The following RAB3B variants were observed in gnomAD, a reference collection of about 807,000 sequenced individuals.
RAB3B encodes ras-related protein Rab-3B.
Under a neutral mutation model 20.5 loss-of-function variants are expected in RAB3B, and 11 were observed. The ratio of observed to expected loss-of-function variants is 0.54; its 90% confidence interval spans 0.34 to 0.89. The LOEUF (loss-of-function observed/expected upper bound fraction) is 0.89. RAB3B is among the 40% of genes least tolerant of loss of function. RAB3B has a pLI of 0.02. For missense variants in RAB3B, 225 were observed against 280.9 expected (o/e 0.80, Z 1.42); for synonymous variants, 99 against 106.3 (o/e 0.93, Z 0.42).
intron 2 of RAB3B, among the ~76,000 whole-genome samples, chr1:51,944,284 T>C (rs1304274918): frequency 2.0e-5 from 3 of 152,180 alleles, no homozygotes; most frequent in African/African-American, 7.2e-5. Flanking sequence ...TGAAACCCAC[T>C]CTCAGGAAAA....
At chr1:51,989,101 G>GTGCACACACA (rs749312487) in intron 1 of RAB3B, among the ~76,000 whole-genome samples, 461 of 24,046 alleles carry the variant, frequency 0.019, 3 homozygotes, top group Non-Finnish European at 0.041. Flanking sequence ...ACCTGTGCGC[G>GTGCACACACA]CGCACACACA....
At chr1:51,933,256 A>G in intron 4 of RAB3B, 62 bp downstream of exon 4, 1 of 1,564,990 alleles carries the variant, frequency 6.4e-7, no homozygotes, top group Non-Finnish European at 8.7e-7. Flanking sequence ...TACCCTGTTT[A>G]CCCCACTCTC....
chr1:51,988,534 A>G (rs1191875205), intron 1 of RAB3B, among the ~76,000 whole-genome samples: 1 of 152,244 alleles, frequency 6.6e-6, no homozygotes, highest in Non-Finnish European at 1.5e-5. Flanking sequence ...CACCTGCAGA[A>G]TAACATCAGT....
At position 51,920,096 on chromosome 1, in the gene RAB3B, G is replaced by C; in HGVS notation, c.491C>G (p.Ala164Gly). The part of the protein sequence containing the change: ...AEQLGFDFFE[A>G]SAKENISVRQ... ...TACACTGATGTTCTCCTTTGCACTGGCTTCAAAGAAATCAAACCCTGGAAA... is the reference window on the plus strand; with the variant it reads ...TACACTGATGTTCTCCTTTGCACTGCCTTCAAAGAAATCAAACCCTGGAAA... Residue 164 changes from alanine (A) to glycine (G), a missense_variant, in exon 5 of 5, where the codon GCC becomes GGC. Physicochemically the swap from Ala to Gly is moderately conservative, Grantham distance 60. Coordinates refer to ENST00000371655, the MANE Select transcript of RAB3B (RefSeq NM_002867.4). The C allele has an allele frequency of 6.2e-7, 1 of 1,609,858 alleles. No homozygotes were observed. Among genetic ancestry groups the C allele is most frequent in the Non-Finnish European group, 8.5e-7 (1 of 1,177,104 alleles).
intron 3 of RAB3B, among the ~76,000 whole-genome samples, chr1:51,935,483 G>A (rs1304299458): frequency 1.3e-5 from 2 of 152,142 alleles, no homozygotes; most frequent in Non-Finnish European, 2.9e-5. Context: ...CAGGTAACTG[G>A]GGCCAGCTCT....
intron 1 of RAB3B, among the ~76,000 whole-genome samples, chr1:51,986,393 G>A (rs896487141): frequency 6.6e-6 from 1 of 151,896 alleles, no homozygotes; most frequent in Non-Finnish European, 1.5e-5. Flanking sequence ...CTTGTGATCC[G>A]CCTGCCTCGG....
At chr1:51,946,539 C>G (rs138011221) in intron 2 of RAB3B, among the ~76,000 whole-genome samples, 5 of 152,280 alleles carry the variant, frequency 3.3e-5, no homozygotes, top group African/African-American at 1.2e-4. Context: ...TCATTGAGCT[C>G]TTCATATGGG....
chr1:51,938,155 T>G (rs1684437825), intron 2 of RAB3B, among the ~76,000 whole-genome samples: 1 of 151,962 alleles, frequency 6.6e-6, no homozygotes, highest in African/African-American at 2.4e-5. Flanking sequence ...TTTGTGCCAC[T>G]GTGCCCAGCC....
At position 51,917,372 on chromosome 1, in the gene RAB3B, A is replaced by C. The variant is rs1219930192; in HGVS notation, c.*2555T>G. The stretch of plus-strand genomic sequence containing the variant: ...AGAGACCTTAAAGATCATCCAAATA[A>C]GCTCCCTCATTTTATAAGTAGGAAA... On this transcript the variant is annotated 3_prime_UTR_variant, in exon 5 of 5. Transcript: ENST00000371655. The C allele has an allele frequency of 6.6e-6, 1 of 152,150 alleles. No individual in the cohort carries two copies. Among genetic ancestry groups the C allele is most frequent in the Non-Finnish European group, 1.5e-5 (1 of 68,030 alleles). 9.4% of individuals were successfully genotyped at this position (152,150 alleles called of 1,614,324 possible). A position where few individuals can be genotyped will look rare whatever the true frequency, so the allele number is the denominator to read the frequency against.
At chr1:51,962,035 G>A (rs1039367572) in intron 2 of RAB3B, among the ~76,000 whole-genome samples, 3 of 152,166 alleles carry the variant, frequency 2.0e-5, no homozygotes, top group African/African-American at 7.2e-5. Flanking sequence ...GCCTCCCAAA[G>A]TGCTGGGATT....
chr1:51,937,155 T>C lies in RAB3B; in HGVS notation c.347+139A>G, dbSNP rs1049892389. The C allele has an allele frequency of 6.6e-6, 4 of 604,688 alleles. No homozygotes were observed. In the African/African-American group the frequency reaches 7.7e-5, roughly 12 times the overall value. The allele number at this position is 604,688 out of a possible 1,614,324, so 37.5% of individuals were successfully genotyped here. On this transcript the variant is annotated intron_variant, in intron 3 of 4. Coordinates refer to ENST00000371655, the MANE Select transcript of RAB3B (RefSeq NM_002867.4). ...CATTCCTGCTTATGGATCTGTCTTCTGCTCTCGTCTGTAAACTCCTGAGGC... is the reference window on the plus strand; with the variant it reads ...CATTCCTGCTTATGGATCTGTCTTCCGCTCTCGTCTGTAAACTCCTGAGGC...
chr1:51,983,661 A>T, intron 1 of RAB3B, among the ~76,000 whole-genome samples: 1 of 152,172 alleles, frequency 6.6e-6, no homozygotes, highest in Non-Finnish European at 1.5e-5. Flanking sequence ...AAGTACTACA[A>T]AAATATGAGA....
intron 2 of RAB3B, among the ~76,000 whole-genome samples, chr1:51,952,185 T>A (rs1684649893): frequency 6.6e-6 from 1 of 152,192 alleles, no homozygotes; most frequent in Admixed American, 6.5e-5. Flanking sequence ...CTCAGAACAC[T>A]CACAGTCTAG....
intron 2 of RAB3B, among the ~76,000 whole-genome samples, chr1:51,965,289 G>A (rs1684834927): frequency 6.6e-6 from 1 of 152,016 alleles, no homozygotes; most frequent in Non-Finnish European, 1.5e-5. Context: ...AAAATGTTCT[G>A]GAATTAGTGA....
rs753412938 is a variant in RAB3B at position 51,977,114 on chromosome 1, C to T, written c.4G>A (p.Ala2Thr). M[A>T]SVTDGKTGVK... ...CCAGTTTTACCATCTGTCACTGAAG[C>T]CATCTGCAAGAGAGACCTAGAGTCA... Residue 2 changes from alanine (A) to threonine (T), a missense_variant, in exon 2 of 5, where the codon GCT becomes ACT. By Grantham distance (58) the Ala-to-Thr change is moderately conservative (BLOSUM62 0). Coordinates refer to ENST00000371655, the MANE Select transcript of RAB3B (RefSeq NM_002867.4). 2.5e-6 allele frequency: 4 copies of T among 1,613,768 alleles called. No individual in the cohort carries two copies. In the South Asian group the frequency reaches 4.4e-5, roughly 18 times the overall value.
intron 3 of RAB3B, among the ~76,000 whole-genome samples, chr1:51,934,775 C>CAAAAAAA (rs34750673): frequency 7.2e-5 from 5 of 69,906 alleles, no homozygotes; most frequent in South Asian, 6.8e-4. Flanking sequence ...GACTCCATCT[C>CAAAAAAA]AAAAAAAAAA....
intron 2 of RAB3B, among the ~76,000 whole-genome samples, chr1:51,947,692 C>A (rs2124271387): frequency 6.6e-6 from 1 of 152,302 alleles, no homozygotes; most frequent in East Asian, 1.9e-4. Flanking sequence ...ATGCCACATT[C>A]ATTTCTGCTC....
intron 2 of RAB3B, among the ~76,000 whole-genome samples, chr1:51,951,252 C>T (rs756774247): frequency 6.6e-6 from 1 of 151,888 alleles, no homozygotes; most frequent in Non-Finnish European, 1.5e-5. Flanking sequence ...TCCCATTACC[C>T]AGGTAATGAG....
chr1:51,960,648 A>G (rs1324107117), intron 2 of RAB3B, among the ~76,000 whole-genome samples: 1 of 152,128 alleles, frequency 6.6e-6, no homozygotes, highest in Admixed American at 6.5e-5. Context: ...GGTTCCAAGC[A>G]GGCTAGGAGA....
Sources: allele counts gnomAD v4.1 joint callset (sites outside exome capture counted in the v4.1 genomes callset), GRCh38; gene constraint gnomAD v4.1.1; transcripts MANE v1.5; gene names NCBI Gene and HGNC (gene_info 2026-07-23, HGNC 2026-07-21).